Variants in ADGRL2 observed in about 807,000 individuals in gnomAD.
ADGRL2 encodes the protein adhesion G protein-coupled receptor L2, also known as calcium-independent alpha-latrotoxin receptor 2.
Under a neutral mutation model 157.4 loss-of-function variants are expected in ADGRL2, and 44 were observed. The ratio of observed to expected loss-of-function variants is 0.28; its 90% CI spans 0.22 to 0.36. ADGRL2 has a LOEUF of 0.36. Among genes scored for constraint, ADGRL2 ranks in the 10% least tolerant of loss-of-function variants. ADGRL2 has a pLI of 1.00. For synonymous variants in ADGRL2, 585 were observed against 624.7 expected (o/e 0.94, Z 0.95); for missense variants, 1,510 against 1,768.9 (o/e 0.85, Z 2.63).
At chr1:81,606,232 T>C (rs896440212) in intron 3 of ADGRL2, among the ~76,000 whole-genome samples, 1 of 152,212 alleles carries the variant, frequency 6.6e-6, no homozygotes, top group Non-Finnish European at 1.5e-5. Flanking sequence ...ATCTGTATTC[T>C]TCCCTATTCC....
intron 2 of ADGRL2, among the ~76,000 whole-genome samples, chr1:81,856,990 CT>C (rs1441542152): frequency 1.3e-5 from 2 of 152,056 alleles, no homozygotes; most frequent in Non-Finnish European, 1.5e-5. Flanking sequence ...TCATTTTGTA[CT>C]TTTAATTTAA....
intron 3 of ADGRL2, among the ~76,000 whole-genome samples, chr1:81,584,456 C>A (rs1327142372): frequency 4.6e-5 from 7 of 152,186 alleles, no homozygotes; most frequent in African/African-American, 1.7e-4. Flanking sequence ...TTCGTATTTA[C>A]TTAAAATTTG....
At chr1:81,844,663 G>A (rs1242347948) in intron 2 of ADGRL2, among the ~76,000 whole-genome samples, 3 of 152,134 alleles carry the variant, frequency 2.0e-5, no homozygotes, top group Non-Finnish European at 2.9e-5. Context: ...AGTATCTCAT[G>A]GCATCTTTCA....
At chr1:81,613,706 C>T (rs1215915634) in intron 3 of ADGRL2, among the ~76,000 whole-genome samples, 1 of 152,118 alleles carries the variant, frequency 6.6e-6, no homozygotes, top group Non-Finnish European at 1.5e-5. Flanking sequence ...ATTGTGTTTT[C>T]AAATGATGGG....
At chr1:81,554,241 A>G (rs553969181) in intron 2 of ADGRL2, among the ~76,000 whole-genome samples, 1 of 152,340 alleles carries the variant, frequency 6.6e-6, no homozygotes, top group African/African-American at 2.4e-5. Flanking sequence ...TCCAGCTGTA[A>G]TCATGGCACC....
At chr1:81,538,053 C>T (rs1194150300) in intron 2 of ADGRL2, among the ~76,000 whole-genome samples, 1 of 152,124 alleles carries the variant, frequency 6.6e-6, no homozygotes, top group Non-Finnish European at 1.5e-5. Flanking sequence ...AATGTCCTTT[C>T]AAATTGTCGA....
intron 1 of ADGRL2, among the ~76,000 whole-genome samples, chr1:81,318,373 T>G (rs768039023): frequency 7.9e-5 from 12 of 152,188 alleles, no homozygotes; most frequent in Non-Finnish European, 1.5e-4. Context: ...AAAAAGGAAG[T>G]GAAGTCTAAA....
intron 2 of ADGRL2, among the ~76,000 whole-genome samples, chr1:81,537,329 G>A (rs1359326126): frequency 6.6e-6 from 1 of 152,088 alleles, no homozygotes; most frequent in Non-Finnish European, 1.5e-5. Context: ...TGTTGCCCAG[G>A]CTGGAGTGCA....
At chr1:81,787,635 A>T (rs2087119743) in intron 2 of ADGRL2, among the ~76,000 whole-genome samples, 1 of 152,190 alleles carries the variant, frequency 6.6e-6, no homozygotes, top group Admixed American at 6.5e-5. Flanking sequence ...AGCCTGGGTG[A>T]CAGAGCAAGA....
At chr1:81,635,707 A>G (rs1194080713) in intron 3 of ADGRL2, among the ~76,000 whole-genome samples, 1 of 152,072 alleles carries the variant, frequency 6.6e-6, no homozygotes, top group Non-Finnish European at 1.5e-5. Context: ...CACCTCCCAA[A>G]AGGCCCCACC....
intron 2 of ADGRL2, among the ~76,000 whole-genome samples, chr1:81,498,444 A>G (rs906845209): frequency 6.6e-6 from 1 of 152,172 alleles, no homozygotes; most frequent in African/African-American, 2.4e-5. Flanking sequence ...TCTTTCATCA[A>G]GGCTTAATCA....
chr1:81,878,590 C>A (rs2093902070), intron 2 of ADGRL2, among the ~76,000 whole-genome samples: 1 of 152,146 alleles, frequency 6.6e-6, no homozygotes, highest in South Asian at 2.1e-4. Flanking sequence ...TACTAACACA[C>A]TAGCAGATGG....
At chr1:81,814,746 C>T (rs1051290749) in intron 1 of ADGRL2, among the ~76,000 whole-genome samples, 2 of 151,364 alleles carry the variant, frequency 1.3e-5, no homozygotes, top group African/African-American at 4.8e-5. Context: ...GAAATCTTAA[C>T]AAAGGTATAA....
At chr1:81,989,655 A>G (rs1035809684) in intron 23 of ADGRL2, 24 of 1,609,576 alleles carry the variant, frequency 1.5e-5, no homozygotes, top group Non-Finnish European at 2.0e-5. Context: ...TTTATATATC[A>G]GCTACTCTTA....
chr1:81,351,769 G>A (rs34632499), intron 1 of ADGRL2, among the ~76,000 whole-genome samples: 22,479 of 152,148 alleles, frequency 0.15, 2,121 homozygotes, highest in Admixed American at 0.25. Context: ...TCCTGTTAGC[G>A]ACTGTACTTG....
intron 2 of ADGRL2, among the ~76,000 whole-genome samples, chr1:81,454,881 G>A (rs2077771870): frequency 1.3e-5 from 2 of 152,278 alleles, no homozygotes; most frequent in African/African-American, 2.4e-5. Flanking sequence ...GTGCCGTTCT[G>A]TGGTTTGATC....
Position 81,992,885 on chromosome 1 carries a change from T to C in ADGRL2, c.*1740T>C, listed in dbSNP as rs1281246941. On this transcript the variant is annotated 3_prime_UTR_variant, in exon 24 of 24. Coordinates refer to ENST00000686636, the MANE Select transcript of ADGRL2 (RefSeq NM_001366006.2). Reference sequence around the variant, plus strand: ...ATATAATTGAATATCAAGAAATAGATGTTTTCTGTTTGTATCATAAGCATT... The same window carrying C: ...ATATAATTGAATATCAAGAAATAGACGTTTTCTGTTTGTATCATAAGCATT... 6.6e-6 allele frequency among the ~76,000 whole-genome samples: 1 copy of C among 151,322 alleles called. No individual in the cohort carries two copies. Among genetic ancestry groups the C allele is most frequent in the African/African-American group, 2.4e-5 (1 of 41,138 alleles).
At chr1:81,592,685 A>T (rs1011327632) in intron 3 of ADGRL2, among the ~76,000 whole-genome samples, 1 of 152,340 alleles carries the variant, frequency 6.6e-6, no homozygotes, top group Middle Eastern at 3.4e-3. Flanking sequence ...CTAAGCAAGA[A>T]GTATGTTCAG....
At position 81,502,960 on chromosome 1, in the gene ADGRL2, G is replaced by A. The variant is rs2078887327; in HGVS notation, c.-248+57871G>A. 8.7e-6 allele frequency: 14 copies of A among 1,612,936 alleles called. No individual in the cohort carries two copies. In the South Asian group the frequency reaches 1.5e-4, roughly 18 times the overall value. ...AACCACTCTCAGGAAAGGTGATGGA[G>A]CCCCAGTGACAACAGTGGCTGTGCC... On this transcript the variant is annotated intron_variant, in intron 2 of 24. Coordinates refer to the ADGRL2 transcript ENST00000370721.
Sources: gnomAD v4.1 joint callset for allele counts (sites outside exome capture counted in the v4.1 genomes callset) on GRCh38, gnomAD v4.1.1 for gene constraint, MANE v1.5 for transcripts, NCBI Gene and HGNC (gene_info 2026-07-23, HGNC 2026-07-21) for gene names.